Variants in MEGF11 observed in about 807,000 individuals in gnomAD.
MEGF11 encodes multiple EGF like domains 11, also known as multiple epidermal growth factor-like domains protein 11.
In MEGF11, 126 loss-of-function variants were observed where a neutral mutation model predicts 146.6. That is an observed-to-expected ratio of 0.86 (90% CI 0.74 to 1.00). MEGF11 has a LOEUF of 1.00. Ranked by LOEUF, MEGF11 falls within the 50% of genes least tolerant of loss-of-function variation. The pLI, the probability that MEGF11 is intolerant of heterozygous loss-of-function variation, is 0.00. For missense variants in MEGF11, 1,509 were observed against 1,521.2 expected (o/e 0.99, Z 0.13); for synonymous variants, 532 against 583.4 (o/e 0.91, Z 1.27).
At chr15:66,100,867 G>GGTGA (rs2086766677) in intron 4 of MEGF11, among the ~76,000 whole-genome samples, 1 of 132,490 alleles carries the variant, frequency 7.5e-6, no homozygotes, top group Non-Finnish European at 1.6e-5. Flanking sequence ...TGGGTGGGTG[G>GGTGA]GTGGGTGAGT....
chr15:66,212,210 G>GCA, intron 1 of MEGF11, among the ~76,000 whole-genome samples: 1 of 152,206 alleles, frequency 6.6e-6, no homozygotes, highest in South Asian at 2.1e-4. Context: ...GGCAACAAGG[G>GCA]ACGGGTGTCA....
At position 66,112,976 on chromosome 15, in the gene MEGF11, A is replaced by G. The variant is rs535001480; in HGVS notation, c.301+6110T>C. ...AGAGATGATGAGCAAAGGAATTAGG[A>G]AACATAGGAATTCGATTTAAATTTA... On this transcript the variant is annotated intron_variant, in intron 4 of 25. Coordinates refer to ENST00000395614, the MANE Select transcript of MEGF11 (RefSeq NM_001385028.1). Among the ~76,000 whole-genome samples, 24 of 152,366 alleles carry G rather than the reference A, an allele frequency of 1.6e-4. 1 individual carries two copies. The highest frequency in any genetic ancestry group is 1.4e-3 in the Admixed American group (21 of 15,314).
chr15:66,048,642 G>A (rs1296259225), intron 5 of MEGF11, among the ~76,000 whole-genome samples: 5 of 152,206 alleles, frequency 3.3e-5, no homozygotes, highest in Admixed American at 6.5e-5. Flanking sequence ...GCCTATGCTG[G>A]CTGGTAGACT....
At chr15:66,050,335 G>A (rs2084399697) in intron 5 of MEGF11, among the ~76,000 whole-genome samples, 1 of 150,902 alleles carries the variant, frequency 6.6e-6, no homozygotes. Flanking sequence ...AAGGGGAAGA[G>A]GGGGCTGGGG....
intron 10 of MEGF11, among the ~76,000 whole-genome samples, chr15:65,942,087 A>C (rs1468662649): frequency 3.9e-5 from 6 of 152,112 alleles, no homozygotes; most frequent in Admixed American, 3.9e-4. Flanking sequence ...TTTGCAAACC[A>C]AGGCCGGAGA....
intron 5 of MEGF11, among the ~76,000 whole-genome samples, chr15:66,021,266 C>T (rs1045746524): frequency 6.6e-6 from 1 of 152,172 alleles, no homozygotes; most frequent in Non-Finnish European, 1.5e-5. Context: ...GGCTCAGGGT[C>T]AGGAAGCCAT....
intron 1 of MEGF11, among the ~76,000 whole-genome samples, chr15:66,180,209 A>G (rs2090509480): frequency 2.0e-5 from 3 of 152,120 alleles, no homozygotes; most frequent in African/African-American, 7.2e-5. Flanking sequence ...CCCTGACCCC[A>G]CTCTTCAGAG....
At position 66,146,497 on chromosome 15, in the gene MEGF11, G is replaced by A. The variant is rs532003417; in HGVS notation, c.-8-18086C>T. ...ATGGGATGGCCTCATCATCTGGAAC[G>A]AGTTGTTTTTCATTCCCAATAAGAC... On this transcript the variant is annotated intron_variant, in intron 1 of 25. Coordinates refer to ENST00000395614, the MANE Select transcript of MEGF11 (RefSeq NM_001385028.1). Among the ~76,000 whole-genome samples the A allele has an allele frequency of 5.2e-5, 8 of 152,382 alleles. No individual in the cohort carries two copies. In the East Asian group the frequency reaches 1.2e-3, roughly 22 times the overall value.
intron 5 of MEGF11, among the ~76,000 whole-genome samples, chr15:65,992,659 A>G (rs2082089868): frequency 7.3e-6 from 1 of 136,374 alleles, no homozygotes; most frequent in Non-Finnish European, 1.6e-5. Flanking sequence ...TTTATCGGGG[A>G]CTTTTTTTTT....
At chr15:66,113,169 C>A (rs2087525815) in intron 4 of MEGF11, among the ~76,000 whole-genome samples, 1 of 152,186 alleles carries the variant, frequency 6.6e-6, no homozygotes, top group African/African-American at 2.4e-5. Context: ...AGGCCAGTCT[C>A]CCAGACCCTC....
chr15:66,058,197 C>T (rs2084758072), intron 5 of MEGF11, among the ~76,000 whole-genome samples: 1 of 152,024 alleles, frequency 6.6e-6, no homozygotes, highest in Non-Finnish European at 1.5e-5. Context: ...GGGCTGACAG[C>T]TCTTGATAAA....
At chr15:66,194,616 C>T (rs1320555703) in intron 1 of MEGF11, among the ~76,000 whole-genome samples, 1 of 125,012 alleles carries the variant, frequency 8.0e-6, no homozygotes, top group Non-Finnish European at 1.6e-5. Context: ...TCTCAAAAAA[C>T]AAACAAACAA....
In MEGF11 at chr15:65,947,354, T is replaced by TGG. The variant is rs370842337; in HGVS notation, c.1287+10191_1287+10192dup. ...CTTTGTTCCAGGCCTGCAGATTTTG[T>TGG]GGGGGGACTAGAGCCTGTGGGCTCT... is the stretch of plus-strand genomic sequence containing the variant. On this transcript the variant is annotated intron_variant, in intron 10 of 25. Coordinates refer to ENST00000395614, the MANE Select transcript of MEGF11 (RefSeq NM_001385028.1). Among the ~76,000 whole-genome samples the TGG allele has an allele frequency of 7.1e-3, 1,084 of 152,144 alleles. 9 individuals are homozygous for TGG. Among genetic ancestry groups the TGG allele is most frequent in the African/African-American group, 0.024 (1,006 of 41,502 alleles).
rs151021663 is a variant in MEGF11 at position 66,056,521 on chromosome 15, C to T, written c.394+37881G>A. Among the ~76,000 whole-genome samples, 13 of 152,222 alleles carry T rather than the reference C, an allele frequency of 8.5e-5. No homozygotes were observed. The East Asian group carries it at 1.7e-3, about 20-fold the overall frequency. On this transcript the variant is annotated intron_variant, in intron 5 of 25. Coordinates refer to ENST00000395614, the MANE Select transcript of MEGF11 (RefSeq NM_001385028.1). ...GCAAGCAAGAACCTTAGCCTGCCCC[C>T]GATCTTCAGCATTGGGCCTACAACT...
At chr15:65,951,667 A>G (rs929396742) in intron 10 of MEGF11, among the ~76,000 whole-genome samples, 12 of 151,678 alleles carry the variant, frequency 7.9e-5, no homozygotes, top group African/African-American at 2.7e-4. Flanking sequence ...AGCCTAGGCA[A>G]CAGAGCAAGA....
At chr15:66,082,470 T>A (rs1172289030) in intron 5 of MEGF11, among the ~76,000 whole-genome samples, 2 of 44,440 alleles carry the variant, frequency 4.5e-5, no homozygotes, top group African/African-American at 2.8e-4. Context: ...AAAAAAAATC[T>A]ATCTATCTAT....
intron 5 of MEGF11, among the ~76,000 whole-genome samples, chr15:66,080,941 T>C (rs1051840546): frequency 6.6e-6 from 1 of 152,180 alleles, no homozygotes; most frequent in Non-Finnish European, 1.5e-5. Flanking sequence ...GTGAGTGTAA[T>C]TGCTTTGCGG....
intron 4 of MEGF11, among the ~76,000 whole-genome samples, chr15:66,107,367 G>T (rs897916834): frequency 6.6e-6 from 1 of 152,188 alleles, no homozygotes; most frequent in African/African-American, 2.4e-5. Flanking sequence ...TTTGGGGACC[G>T]GCATGCCCAT....
intron 15 of MEGF11, among the ~76,000 whole-genome samples, chr15:65,919,299 G>C (rs1248911413): frequency 1.3e-5 from 2 of 152,192 alleles, no homozygotes; most frequent in Admixed American, 1.3e-4. Context: ...ACATACACAT[G>C]ACACTTAAAT....
Sources: gnomAD v4.1 joint callset for allele counts (sites outside exome capture counted in the v4.1 genomes callset) on GRCh38, gnomAD v4.1.1 for gene constraint, MANE v1.5 for transcripts, NCBI Gene and HGNC (gene_info 2026-07-23, HGNC 2026-07-21) for gene names.